The following HPGDS variants were observed in gnomAD, a reference collection of about 807,000 sequenced individuals.
HPGDS encodes the protein GST class-sigma.
Under a neutral mutation model 23.1 loss-of-function variants are expected in HPGDS, and 26 were observed. That is an observed-to-expected ratio of 1.13 (90% CI 0.83 to 1.56). The LOEUF is 1.56. Among genes scored for constraint, HPGDS ranks in the 40% most tolerant of loss-of-function variants. The pLI is 0.00. For missense variants in HPGDS, 268 were observed against 236.4 expected (o/e 1.13, Z -0.88); for synonymous variants, 95 against 77.9 (o/e 1.22, Z -1.16).
chr4:94,311,889 G>A (rs192639513), intron 3 of HPGDS, among the ~76,000 whole-genome samples: 1,800 of 149,432 alleles, frequency 0.012, 119 homozygotes, highest in African/African-American at 0.044. Context: ...GTCGAGGAAT[G>A]TATCCATTTC....
chr4:94,311,665 G>A (rs1462672974), intron 3 of HPGDS, among the ~76,000 whole-genome samples: 1 of 151,434 alleles, frequency 6.6e-6, no homozygotes, highest in Non-Finnish European at 1.5e-5. Context: ...AATGAGTTAG[G>A]GAGGATTCCC....
intron 1 of HPGDS, among the ~76,000 whole-genome samples, chr4:94,340,311 C>CTTTCTTTTTCTTTTCT: frequency 8.4e-5 from 2 of 23,676 alleles, no homozygotes; most frequent in Non-Finnish European, 1.7e-4. Context: ...CTTTCTTTCT[C>CTTTCTTTTTCTTTTCT]TTTTTTTTTT....
intron 5 of HPGDS, among the ~76,000 whole-genome samples, chr4:94,301,913 TTTGA>T (rs1184519619): frequency 6.6e-5 from 10 of 152,134 alleles, no homozygotes; most frequent in Admixed American, 6.6e-5. Flanking sequence ...TTTACTTTGC[TTTGA>T]TTTTTAGGAT....
At chr4:94,329,137 G>T (rs1756690267) in intron 2 of HPGDS, among the ~76,000 whole-genome samples, 1 of 151,916 alleles carries the variant, frequency 6.6e-6, no homozygotes, top group Non-Finnish European at 1.5e-5. Flanking sequence ...TTTTGTCAGG[G>T]AGAGGTTTTT....
chr4:94,314,991 C>T (rs371254278), intron 3 of HPGDS, among the ~76,000 whole-genome samples: 14 of 152,330 alleles, frequency 9.2e-5, no homozygotes, highest in East Asian at 5.8e-4. Context: ...GTCGGAAACG[C>T]GCAGTGTTAG....
At chr4:94,303,531 TTA>T (rs1404098032) in intron 4 of HPGDS, among the ~76,000 whole-genome samples, 1 of 152,150 alleles carries the variant, frequency 6.6e-6, no homozygotes, top group Non-Finnish European at 1.5e-5. Flanking sequence ...TATTTTGACT[TTA>T]TGTTCTTTCC....
chr4:94,319,843 T>C (rs369964589), intron 2 of HPGDS, among the ~76,000 whole-genome samples: 33 of 152,312 alleles, frequency 2.2e-4, no homozygotes, highest in African/African-American at 7.7e-4. Flanking sequence ...ACATGTGCCA[T>C]GTTGGTGTGC....
At chr4:94,332,640 T>A (rs1241087844) in intron 2 of HPGDS, among the ~76,000 whole-genome samples, 1 of 152,200 alleles carries the variant, frequency 6.6e-6, no homozygotes, top group Admixed American at 6.5e-5. Flanking sequence ...AGGGATTGAG[T>A]GCAGTGGGCC....
intron 3 of HPGDS, among the ~76,000 whole-genome samples, chr4:94,311,223 A>G (rs1266223834): frequency 6.6e-6 from 1 of 152,064 alleles, no homozygotes; most frequent in African/African-American, 2.4e-5. Flanking sequence ...CCAGTTTTCA[A>G]AGGGAATGCT....
At chr4:94,322,213 G>A (rs113508970) in intron 2 of HPGDS, among the ~76,000 whole-genome samples, 2 of 108,082 alleles carry the variant, frequency 1.9e-5, no homozygotes, top group Non-Finnish European at 3.9e-5. Flanking sequence ...AGGGATATTG[G>A]TCTAAAATTC....
At chr4:94,316,229 G>A (rs1158923570) in intron 3 of HPGDS, among the ~76,000 whole-genome samples, 6 of 152,180 alleles carry the variant, frequency 3.9e-5, no homozygotes, top group African/African-American at 1.4e-4. Flanking sequence ...AGAGACGAAA[G>A]AGAAGAGGAG....
chr4:94,314,598 G>A (rs945246052), intron 3 of HPGDS, among the ~76,000 whole-genome samples: 4 of 152,338 alleles, frequency 2.6e-5, no homozygotes, highest in African/African-American at 9.6e-5. Context: ...AGACCCACTT[G>A]AGGAGGCAGT....
intron 3 of HPGDS, among the ~76,000 whole-genome samples, chr4:94,314,468 G>A (rs1009901065): frequency 1.2e-4 from 18 of 152,196 alleles, no homozygotes; most frequent in African/African-American, 2.7e-4. Flanking sequence ...TTGGTGAACC[G>A]CAAATGTTGC....
Position 94,318,241 on chromosome 4 carries a change from T to C in HPGDS, c.134-276A>G, listed in dbSNP as rs56273473. Reference sequence around the variant, plus strand: ...ATATACTGTACTGTATTTTACATGCTTACTGTTAAAAAAAATTAATTGTAA... The same window carrying C: ...ATATACTGTACTGTATTTTACATGCCTACTGTTAAAAAAAATTAATTGTAA... On this transcript the variant is annotated intron_variant, in intron 2 of 5. Transcript: ENST00000295256. Among the ~76,000 whole-genome samples the C allele has an allele frequency of 0.012, 1,894 of 152,276 alleles. 24 individuals are homozygous for C. Among genetic ancestry groups the C allele is most frequent in the Non-Finnish European group, 0.019 (1,304 of 68,014 alleles).
intron 4 of HPGDS, among the ~76,000 whole-genome samples, chr4:94,304,398 C>G (rs1351458740): frequency 6.6e-6 from 1 of 152,050 alleles, no homozygotes; most frequent in Non-Finnish European, 1.5e-5. Flanking sequence ...TATCCAAAGG[C>G]ATCTTTTGCT....
chr4:94,314,849 TC>T (rs1756362565), intron 3 of HPGDS, among the ~76,000 whole-genome samples: 1 of 152,146 alleles, frequency 6.6e-6, no homozygotes, highest in Admixed American at 6.5e-5. Context: ...TGGGCACCCC[TC>T]CCCCAGCCTC....
intron 2 of HPGDS, among the ~76,000 whole-genome samples, chr4:94,332,382 C>T (rs1221274721): frequency 1.3e-5 from 2 of 152,348 alleles, no homozygotes; most frequent in Admixed American, 6.5e-5. Context: ...GTCGCACTGG[C>T]CTTTTGCCCT....
intron 2 of HPGDS, among the ~76,000 whole-genome samples, chr4:94,332,720 A>G (rs1756756068): frequency 6.6e-6 from 1 of 152,254 alleles, no homozygotes; most frequent in African/African-American, 2.4e-5. Flanking sequence ...ACATTTTTCT[A>G]GTCAATCCTA....
In HPGDS at chr4:94,322,028, G is replaced by A. The variant is rs373094825; in HGVS notation, c.134-4063C>T. ...CTGCATCTATTGAGACGATCATGTG[G>A]TTTTTGTCTTTGGTTCTGTTAAGGT... On this transcript the variant is annotated intron_variant, in intron 2 of 5. Coordinates refer to ENST00000295256, the MANE Select transcript of HPGDS (RefSeq NM_014485.3). Among the ~76,000 whole-genome samples the A allele has an allele frequency of 2.0e-5, 3 of 152,118 alleles. No individual in the cohort carries two copies. In the East Asian group the frequency reaches 5.8e-4, roughly 29 times the overall value.
Sources: allele counts gnomAD v4.1 joint callset (sites outside exome capture counted in the v4.1 genomes callset), GRCh38; gene constraint gnomAD v4.1.1; transcripts MANE v1.5; gene names NCBI Gene and HGNC (gene_info 2026-07-23, HGNC 2026-07-21).